Variants in RNF212 observed in about 807,000 individuals in gnomAD.
RNF212 encodes the protein ring finger protein 212.
RNF212 carries 33 observed loss-of-function variants against 34.7 expected under a neutral mutation model. The ratio of observed to expected loss-of-function variants is 0.95; its 90% confidence interval spans 0.72 to 1.27. RNF212 has a LOEUF of 1.27. RNF212 is among the 50% of genes most tolerant of loss of function. The pLI is 0.00. For missense variants in RNF212, 377 were observed against 362.2 expected, an observed-to-expected ratio of 1.04 and a Z score of -0.33; for synonymous variants, 140 against 136.1, an observed-to-expected ratio of 1.03 and a Z score of -0.20.
rs1356617242 is a variant in RNF212, at chr4:1,081,695, TAAG to T, written c.363-79_363-77del. 7.9e-6 allele frequency: 8 copies of T among 1,013,766 alleles called. No individual in the cohort carries two copies. The East Asian group carries it at 1.9e-4, about 24-fold the overall frequency. The allele number at this position is 1,013,766 out of a possible 1,614,324, so 62.8% of individuals were successfully genotyped here. Reference sequence around the variant, plus strand: ...CCCCAGGTCATCCCAACTGAAAGTGTAAGAAGGCTCTGAATCAGTGAAATGTTC... The same window carrying T: ...CCCCAGGTCATCCCAACTGAAAGTGTAAGGCTCTGAATCAGTGAAATGTTC... On this transcript the variant is annotated intron_variant, in intron 5 of 9. Coordinates refer to ENST00000433731, the MANE Select transcript of RNF212 (RefSeq NM_001131034.4).
At chr4:1,082,332 C>A (rs1720487132) in intron 5 of RNF212, among the ~76,000 whole-genome samples, 1 of 152,184 alleles carries the variant, frequency 6.6e-6, no homozygotes, top group African/African-American at 2.4e-5. Flanking sequence ...GTCCTCTCTG[C>A]CTCACAGGGC....
At chr4:1,083,754 C>T (rs641987) in intron 5 of RNF212, among the ~76,000 whole-genome samples, 123,151 of 151,950 alleles carry the variant, frequency 0.81, 50,614 homozygotes, top group African/African-American at 0.94. Flanking sequence ...TGGCCTAAGA[C>T]GACGGAGATC....
intron 2 of RNF212, among the ~76,000 whole-genome samples, chr4:1,102,076 G>T (rs1477138803): frequency 6.6e-6 from 1 of 152,238 alleles, no homozygotes; most frequent in Admixed American, 6.5e-5. Context: ...AATGAACACA[G>T]AAGGGAAGTT....
At chr4:1,106,164 A>G (rs957985008) in intron 2 of RNF212, among the ~76,000 whole-genome samples, 7 of 152,150 alleles carry the variant, frequency 4.6e-5, no homozygotes, top group African/African-American at 1.4e-4. Context: ...TTCGGAAGAC[A>G]CTGCGGAAGA....
At chr4:1,058,334 C>G in exon 4 of RNF212, 3 of 968,578 alleles carry the variant, frequency 3.1e-6, no homozygotes, top group Non-Finnish European at 3.6e-6. Flanking sequence ...AGAGGCTTTC[C>G]CATGCTCCTC....
At chr4:1,108,948 A>G (rs995853769) in intron 1 of RNF212, among the ~76,000 whole-genome samples, 20 of 145,362 alleles carry the variant, frequency 1.4e-4, no homozygotes, top group African/African-American at 5.1e-4. Context: ...CAATCCTCCC[A>G]CCTCAGCCTC....
At chr4:1,113,699 C>G (rs2153071218), upstream of RNF212, 2 of 424,856 alleles carry the variant, frequency 4.7e-6, no homozygotes, top group South Asian at 7.4e-5. Context: ...CTGGAGTAGG[C>G]GGAGGAACGC....
chr4:1,112,850 C>G (rs1307665333), intron 1 of RNF212, among the ~76,000 whole-genome samples: 1 of 81,898 alleles, frequency 1.2e-5, no homozygotes, highest in African/African-American at 5.0e-5. Context: ...CATCCCCCAC[C>G]TTGCCCCCCT....
chr4:1,056,989 T>G (rs1717363676), intron 4 of RNF212: 2 of 987,852 alleles, frequency 2.0e-6, no homozygotes, highest in Admixed American at 1.2e-4. Context: ...TGTAGGGAAT[T>G]TGCAGAGGTG....
At chr4:1,078,425 C>G (rs1719689593) in intron 8 of RNF212, among the ~76,000 whole-genome samples, 1 of 152,212 alleles carries the variant, frequency 6.6e-6, no homozygotes, top group African/African-American at 2.4e-5. Context: ...GCGCTGAGTT[C>G]TGCCCACCAG....
intron 8 of RNF212, among the ~76,000 whole-genome samples, chr4:1,076,205 G>A (rs1156925115): frequency 6.6e-6 from 1 of 152,312 alleles, no homozygotes; most frequent in South Asian, 2.1e-4. Context: ...GTCCAGGAGG[G>A]TGGGGGCCTT....
chr4:1,067,737 G>A (rs10020875), downstream of RNF212, among the ~76,000 whole-genome samples: 7 of 152,060 alleles, frequency 4.6e-5, no homozygotes, highest in East Asian at 7.7e-4. Context: ...GGTGCTGCAC[G>A]CCTGTAATTA....
intron 2 of RNF212, among the ~76,000 whole-genome samples, chr4:1,104,763 C>G (rs1724544511): frequency 6.6e-6 from 1 of 152,192 alleles, no homozygotes; most frequent in Non-Finnish European, 1.5e-5. Context: ...TCCCTCGGGT[C>G]CCGATTTGGC....
chr4:1,084,471 G>A (rs1016020386), intron 5 of RNF212, among the ~76,000 whole-genome samples: 3 of 152,008 alleles, frequency 2.0e-5, no homozygotes, highest in Non-Finnish European at 4.4e-5. Context: ...GGCTCACATC[G>A]GTCATTGCAG....
intron 2 of RNF212, among the ~76,000 whole-genome samples, chr4:1,105,487 C>T (rs567902613): frequency 6.6e-6 from 1 of 152,238 alleles, no homozygotes; most frequent in Non-Finnish European, 1.5e-5. Context: ...ACACACACTG[C>T]GAAGCAGAAT....
chr4:1,078,275 C>T (rs1297343480), intron 8 of RNF212, among the ~76,000 whole-genome samples: 3 of 152,220 alleles, frequency 2.0e-5, no homozygotes, highest in South Asian at 2.1e-4. Flanking sequence ...CTTTGCTCCT[C>T]GGCCCCCTCC....
chr4:1,110,306 A>T (rs1028349779), intron 1 of RNF212, among the ~76,000 whole-genome samples: 6 of 152,216 alleles, frequency 3.9e-5, no homozygotes, highest in Non-Finnish European at 8.8e-5. Context: ...ATGAAGGTCA[A>T]GGTCACTAGT....
At chr4:1,081,310 G>T (rs2153043126) in intron 7 of RNF212, 109 bp downstream of exon 7, 2 of 917,512 alleles carry the variant, frequency 2.2e-6, no homozygotes, top group Non-Finnish European at 3.6e-6. Flanking sequence ...CAACTGTATG[G>T]ATTAGCAAAA....
At chr4:1,070,816 T>A (rs1264155365), downstream of RNF212, among the ~76,000 whole-genome samples, 1 of 152,158 alleles carries the variant, frequency 6.6e-6, no homozygotes, top group Non-Finnish European at 1.5e-5. Context: ...GATGACAGAT[T>A]GGGAGCAAAT....
Sources: gnomAD v4.1 joint callset for allele counts (sites outside exome capture counted in the v4.1 genomes callset) on GRCh38, gnomAD v4.1.1 for gene constraint, MANE v1.5 for transcripts, NCBI Gene and HGNC (gene_info 2026-07-23, HGNC 2026-07-21) for gene names.